LSM12: variants seen among roughly 807,000 people sequenced by gnomAD.
LSM12 encodes LSM12 homolog, also known as protein LSM12.
For missense variants in LSM12, 108 were observed against 238.9 expected (o/e 0.45, Z 3.61); for synonymous variants, 74 against 87.3 (o/e 0.85, Z 0.85).
chr17:44,037,247 C>T (rs2049427803), intron 4 of LSM12, 165 bp downstream of exon 4: 4 of 725,080 alleles, frequency 5.5e-6, no homozygotes, highest in Middle Eastern at 4.3e-4. Context: ...TCCATTCCCA[C>T]AGGACTGCAG....
At chr17:44,040,409 C>T (rs2049472703) in intron 2 of LSM12, 153 bp from the exon 3 acceptor site, 8 of 588,292 alleles carry the variant, frequency 1.4e-5, no homozygotes. Context: ...TTTTAAAAAT[C>T]CACGACATAC....
intron 4 of LSM12, 142 bp downstream of exon 4, chr17:44,037,270 C>T: frequency 2.0e-6 from 2 of 1,013,530 alleles, no homozygotes; most frequent in Non-Finnish European, 2.8e-6. Context: ...CCCCACAGTA[C>T]AGGGAAGGCA....
intron 2 of LSM12, among the ~76,000 whole-genome samples, chr17:44,060,347 T>A (rs1384011491): frequency 6.6e-6 from 1 of 152,082 alleles, no homozygotes; most frequent in African/African-American, 2.4e-5. Flanking sequence ...TGAGACTAAC[T>A]TTTCACGTCA....
chr17:44,064,768 G>C (rs1327818971), intron 1 of LSM12, among the ~76,000 whole-genome samples: 1 of 150,374 alleles, frequency 6.7e-6, no homozygotes, highest in Non-Finnish European at 1.5e-5. Flanking sequence ...CTAGTTACAA[G>C]ACCCTTCCAA....
At chr17:44,056,307 A>C (rs1320545267) in intron 2 of LSM12, among the ~76,000 whole-genome samples, 1 of 150,780 alleles carries the variant, frequency 6.6e-6, no homozygotes, top group East Asian at 2.0e-4. Flanking sequence ...AAAAAAAAAA[A>C]AAAAAGTGAA....
intron 2 of LSM12, among the ~76,000 whole-genome samples, chr17:44,052,230 T>C (rs2144095572): frequency 6.8e-6 from 1 of 147,680 alleles, no homozygotes; most frequent in Admixed American, 6.8e-5. Context: ...AGCAAGTCCC[T>C]ATCTCTAAAT....
At chr17:44,054,563 C>T (rs949741943) in intron 2 of LSM12, among the ~76,000 whole-genome samples, 1 of 152,184 alleles carries the variant, frequency 6.6e-6, no homozygotes, top group Non-Finnish European at 1.5e-5. Flanking sequence ...ACCTCAACCT[C>T]CCAAAGTGCT....
At chr17:44,042,162 C>T (rs1383916723) in intron 2 of LSM12, among the ~76,000 whole-genome samples, 1 of 151,960 alleles carries the variant, frequency 6.6e-6, no homozygotes, top group African/African-American at 2.4e-5. Flanking sequence ...TGGTGTGCAC[C>T]TGTAATCCCG....
chr17:44,044,120 C>T (rs1488717878), intron 2 of LSM12, among the ~76,000 whole-genome samples: 1 of 151,886 alleles, frequency 6.6e-6, no homozygotes, highest in African/African-American at 2.4e-5. Flanking sequence ...TAGTAAGAGA[C>T]AAGAGTTGGC....
intron 2 of LSM12, among the ~76,000 whole-genome samples, chr17:44,046,498 G>C (rs1418309380): frequency 6.6e-6 from 1 of 150,860 alleles, no homozygotes; most frequent in African/African-American, 2.4e-5. Context: ...ACGGGGTCAG[G>C]AGATCGAGAC....
At chr17:44,056,048 A>G (rs959185179) in intron 2 of LSM12, among the ~76,000 whole-genome samples, 38 of 151,436 alleles carry the variant, frequency 2.5e-4, no homozygotes, top group African/African-American at 9.0e-4. Flanking sequence ...TGGGTGGATC[A>G]CCTGAGGTCG....
At chr17:44,038,336 TA>T (rs954658554) in intron 3 of LSM12, among the ~76,000 whole-genome samples, 1 of 96,670 alleles carries the variant, frequency 1.0e-5, no homozygotes, top group African/African-American at 4.2e-5. Flanking sequence ...ACCTAGGCAA[TA>T]AAAGTGAGAC....
intron 2 of LSM12, among the ~76,000 whole-genome samples, chr17:44,055,303 C>T (rs1597893458): frequency 6.6e-6 from 1 of 151,912 alleles, no homozygotes; most frequent in Non-Finnish European, 1.5e-5. Context: ...CATAGCTAAA[C>T]ATAGGCTGGC....
At position 44,065,001 on chromosome 17, in the gene LSM12, C is replaced by T. The variant is rs142193863; in HGVS notation, c.125-1067G>A. 1.7e-3 allele frequency among the ~76,000 whole-genome samples: 251 copies of T among 152,024 alleles called. 1 individual carries two copies. The highest frequency in any genetic ancestry group is 5.9e-3 in the African/African-American group (244 of 41,438). ...ACAAAAAATTAGCCGGGCACGGTGG[C>T]GTATGCCTGCAATCCCAGCTACTCG... On this transcript the variant is annotated intron_variant, in intron 1 of 4. Transcript: ENST00000293406.
At chr17:44,053,449 A>G (rs1407380127) in intron 2 of LSM12, among the ~76,000 whole-genome samples, 1 of 152,164 alleles carries the variant, frequency 6.6e-6, no homozygotes, top group African/African-American at 2.4e-5. Context: ...AGCGGGTCTC[A>G]CCATATTGTT....
At chr17:44,047,555 CTTA>C (rs1441749662) in intron 2 of LSM12, among the ~76,000 whole-genome samples, 1 of 151,338 alleles carries the variant, frequency 6.6e-6, no homozygotes, top group African/African-American at 2.4e-5. Context: ...CCTGGATTGT[CTTA>C]TTATCATTAT....
intron 4 of LSM12, 125 bp from the exon 5 acceptor site, chr17:44,036,425 G>C: frequency 7.8e-7 from 1 of 1,279,798 alleles, no homozygotes; most frequent in Non-Finnish European, 1.1e-6. Context: ...AGGCACCTTT[G>C]CCCTTGCTGT....
At chr17:44,054,383 C>T (rs755175360) in intron 2 of LSM12, among the ~76,000 whole-genome samples, 1 of 152,164 alleles carries the variant, frequency 6.6e-6, no homozygotes, top group Non-Finnish European at 1.5e-5. Flanking sequence ...ATGACTACAG[C>T]TCACTGCAGC....
At chr17:44,061,876 G>C (rs924296163) in intron 2 of LSM12, among the ~76,000 whole-genome samples, 2 of 152,088 alleles carry the variant, frequency 1.3e-5, no homozygotes, top group Non-Finnish European at 2.9e-5. Flanking sequence ...AATAAAATAG[G>C]TATGGTCCCC....
Sources: gnomAD v4.1 joint callset for allele counts (sites outside exome capture counted in the v4.1 genomes callset) on GRCh38, gnomAD v4.1.1 for gene constraint, MANE v1.5 for transcripts, NCBI Gene and HGNC (gene_info 2026-07-23, HGNC 2026-07-21) for gene names.